Variants in SGK3 observed in about 807,000 individuals in gnomAD.
The protein encoded by SGK3 is serum/glucocorticoid regulated kinase family member 3, also known as serine/threonine-protein kinase Sgk3.
In SGK3, 47 loss-of-function variants were observed where a neutral mutation model predicts 68.5. The ratio of observed to expected loss-of-function variants is 0.69; its 90% confidence interval spans 0.54 to 0.87. The LOEUF is 0.87. Among genes scored for constraint, SGK3 ranks in the 40% least tolerant of loss-of-function variants. The pLI is 0.00. For missense variants in SGK3, 479 were observed against 575.5 expected, an observed-to-expected ratio of 0.83 and a Z score of 1.72; for synonymous variants, 181 against 189.1, an observed-to-expected ratio of 0.96 and a Z score of 0.35.
intron 13 of SGK3, 50 bp downstream of exon 13, chr8:66,841,160 A>G: frequency 7.2e-7 from 1 of 1,384,552 alleles, no homozygotes; most frequent in Non-Finnish European, 9.7e-7. Context: ...TAAAATGCAA[A>G]TATGAATTAC....
chr8:66,723,260 G>A (rs571989244), intron 1 of SGK3, among the ~76,000 whole-genome samples: 1 of 148,602 alleles, frequency 6.7e-6, no homozygotes, highest in East Asian at 2.0e-4. Context: ...AGCCTGACAG[G>A]TGAAATGCTG....
intron 1 of SGK3, among the ~76,000 whole-genome samples, chr8:66,785,987 C>A (rs531507148): frequency 6.6e-6 from 1 of 152,184 alleles, no homozygotes; most frequent in African/African-American, 2.4e-5. Flanking sequence ...CCCAAAAAGT[C>A]CCAGTTTTAA....
intron 6 of SGK3, among the ~76,000 whole-genome samples, chr8:66,826,218 G>A (rs1335898810): frequency 2.6e-5 from 4 of 151,968 alleles, no homozygotes; most frequent in South Asian, 2.1e-4. Context: ...TGATCCACCC[G>A]CCTCGGCCTC....
intron 6 of SGK3, among the ~76,000 whole-genome samples, chr8:66,826,797 A>C (rs752004703): frequency 2.6e-5 from 4 of 151,878 alleles, no homozygotes; most frequent in Non-Finnish European, 4.4e-5. Flanking sequence ...GGTGCCCATC[A>C]CCACACCCAG....
chr8:66,722,863 A>G (rs568523417), intron 1 of SGK3, among the ~76,000 whole-genome samples: 7 of 151,952 alleles, frequency 4.6e-5, no homozygotes, highest in African/African-American at 1.7e-4. Context: ...CGAAAACAGG[A>G]GCAAGAGCAA....
At position 66,861,128 on chromosome 8, in the gene SGK3, G is replaced by GAA. The variant is rs1217786159; in HGVS notation, c.*1555_*1556dup. ...TGCCACAGCGAGACCCTAGTTAAGAGAAAAAAAAAGTAAAAACAAATTGTG... is the reference window on the plus strand; with the variant it reads ...TGCCACAGCGAGACCCTAGTTAAGAGAAAAAAAAAAAGTAAAAACAAATTGTG... On this transcript the variant is annotated 3_prime_UTR_variant, in exon 17 of 17. Transcript: ENST00000521198. 1 of 150,438 alleles carries GAA rather than the reference G, an allele frequency of 6.6e-6. No individual in the cohort carries two copies. The highest frequency in any genetic ancestry group is 1.5e-5 in the Non-Finnish European group (1 of 67,562). The allele number at this position is 150,438 out of a possible 1,614,324, so 9.3% of individuals were successfully genotyped here.
chr8:66,749,105 A>G (rs1458160106), intron 1 of SGK3, among the ~76,000 whole-genome samples: 3 of 152,180 alleles, frequency 2.0e-5, no homozygotes, highest in Non-Finnish European at 2.9e-5. Context: ...ATGAGAGAAA[A>G]TATGGTTAAG....
At chr8:66,804,007 G>C (rs1808055960) in intron 3 of SGK3, among the ~76,000 whole-genome samples, 1 of 152,100 alleles carries the variant, frequency 6.6e-6, no homozygotes, top group African/African-American at 2.4e-5. Context: ...TGAGTAATAT[G>C]TATTTGGAAC....
chr8:66,769,900 C>A (rs1340573378), intron 1 of SGK3, among the ~76,000 whole-genome samples: 5 of 151,658 alleles, frequency 3.3e-5, no homozygotes, highest in African/African-American at 1.2e-4. Context: ...GTTTTAATGT[C>A]CTAGTCAGCT....
chr8:66,717,747 G>A lies in SGK3; in HGVS notation c.-122+4914G>A, dbSNP rs138573958. ...GAGACAGAATCTCGCTGTCTTGCCC[G>A]GGCTGGAGTGCAGTGGCATGATCTC... is the stretch of plus-strand genomic sequence containing the variant. On this transcript the variant is annotated intron_variant, in intron 1 of 16. Transcript: ENST00000521198. Among the ~76,000 whole-genome samples the A allele has an allele frequency of 1.9e-4, 29 of 151,808 alleles. 1 individual carries two copies. In the East Asian group the frequency reaches 5.4e-3, roughly 28 times the overall value.
At chr8:66,807,094 T>C (rs777394081) in intron 4 of SGK3, among the ~76,000 whole-genome samples, 39 of 152,246 alleles carry the variant, frequency 2.6e-4, no homozygotes, top group Admixed American at 6.5e-4. Context: ...GTATGGGGAC[T>C]AGGGTAGAAA....
intron 10 of SGK3, among the ~76,000 whole-genome samples, chr8:66,837,713 G>T (rs1809595450): frequency 6.6e-6 from 1 of 152,176 alleles, no homozygotes; most frequent in Admixed American, 6.5e-5. Flanking sequence ...GAGCCCAGGA[G>T]GTTGCGGCTG....
chr8:66,847,459 G>A (rs1810079934), intron 15 of SGK3, 111 bp downstream of exon 15: 5 of 1,454,124 alleles, frequency 3.4e-6, no homozygotes, highest in African/African-American at 2.9e-5. Context: ...GCGGAGAATA[G>A]CAACATGGAA....
intron 14 of SGK3, 51 bp downstream of exon 14, chr8:66,843,598 G>C (rs763912381): frequency 7.8e-6 from 12 of 1,543,210 alleles, no homozygotes; most frequent in South Asian, 2.3e-5. Context: ...TGATTTGATT[G>C]TCTGTCTGTC....
chr8:66,815,816 A>G (rs1187456592), intron 5 of SGK3, among the ~76,000 whole-genome samples: 3 of 152,184 alleles, frequency 2.0e-5, no homozygotes, highest in Non-Finnish European at 2.9e-5. Context: ...TTGGCATTAA[A>G]ATTAAACTAA....
At position 66,758,011 on chromosome 8, in the gene SGK3, TACAC is replaced by T. The variant is rs374764386; in HGVS notation, c.-121-35582_-121-35579del. Among the ~76,000 whole-genome samples the T allele has an allele frequency of 8.0e-4, 107 of 133,662 alleles. No homozygotes were observed. In the Middle Eastern group the frequency reaches 0.012, roughly 15 times the overall value. 87.7% of individuals were successfully genotyped at this position (133,662 alleles called of 152,430 possible). Reference sequence around the variant, plus strand: ...TATGTATATATATACACACACACACTACACACACACACACACACACACACACCCT... The same window carrying T: ...TATGTATATATATACACACACACACTACACACACACACACACACACACCCT... On this transcript the variant is annotated intron_variant, in intron 1 of 16. Transcript: ENST00000521198.
At chr8:66,845,016 A>G (rs1809949880) in intron 14 of SGK3, among the ~76,000 whole-genome samples, 1 of 152,262 alleles carries the variant, frequency 6.6e-6, no homozygotes, top group South Asian at 2.1e-4. Flanking sequence ...GACTTTGAAA[A>G]TATATCATTG....
intron 5 of SGK3, among the ~76,000 whole-genome samples, chr8:66,821,398 A>G (rs1051423957): frequency 2.0e-5 from 3 of 152,068 alleles, no homozygotes; most frequent in Non-Finnish European, 2.9e-5. Context: ...ATAGGCAGTT[A>G]CCATAGTTGA....
intron 16 of SGK3, among the ~76,000 whole-genome samples, chr8:66,855,433 C>T (rs191678182): frequency 6.6e-6 from 1 of 152,292 alleles, no homozygotes; most frequent in Non-Finnish European, 1.5e-5. Context: ...GAACTCCTGA[C>T]CTTAGGCAAT....
Sources: allele counts gnomAD v4.1 joint callset (sites outside exome capture counted in the v4.1 genomes callset), GRCh38; gene constraint gnomAD v4.1.1; transcripts MANE v1.5; gene names NCBI Gene and HGNC (gene_info 2026-07-23, HGNC 2026-07-21).